Variants in CCN3 observed in about 807,000 individuals in gnomAD.
CCN3 encodes CCN family member 3.
A neutral mutation model predicts 33.4 loss-of-function variants in CCN3; 20 were observed. That is an observed-to-expected ratio of 0.60 (90% CI 0.42 to 0.87). The LOEUF is 0.87. CCN3 is among the 40% of genes least tolerant of loss of function. The pLI is 0.00. For missense variants in CCN3, 465 were observed against 455.3 expected (o/e 1.02, Z -0.19); for synonymous variants, 205 against 170.4 (o/e 1.20, Z -1.58).
In CCN3 at chr8:119,416,751, C is replaced by T; in HGVS notation, c.92C>T (p.Ala31Val). 1 of 1,585,332 alleles carries T rather than the reference C, an allele frequency of 6.3e-7. No homozygotes were observed. Among genetic ancestry groups the T allele is most frequent in the Non-Finnish European group, 8.6e-7 (1 of 1,165,390 alleles). Residue 31 changes from alanine (A) to valine (V), a missense_variant, in exon 2 of 5, where the codon GCG becomes GTG. By Grantham distance (64) the Ala-to-Val change is moderately conservative (BLOSUM62 0). Transcript: ENST00000259526. ...LLLHLLGQVA[A>V]TQRCPPQCPG... ...TGTCTCGCCTGCCTTCAGGTCGCTGCGACTCAGCGCTGCCCTCCCCAGTGC... is the reference window on the plus strand; with the variant it reads ...TGTCTCGCCTGCCTTCAGGTCGCTGTGACTCAGCGCTGCCCTCCCCAGTGC...
intron 1 of CCN3, 52 bp downstream of exon 1, chr8:119,416,668 G>C: frequency 6.3e-7 from 1 of 1,591,648 alleles, no homozygotes. Flanking sequence ...CGCCTTGGTG[G>C]CCCCCATTTG....
chr8:119,421,316 G>A (rs935150972), intron 4 of CCN3, among the ~76,000 whole-genome samples: 8 of 152,134 alleles, frequency 5.3e-5, no homozygotes, highest in African/African-American at 1.9e-4. Context: ...GCCGACAGTG[G>A]TTCTTAAAGG....
Position 119,423,190 on chromosome 8 carries a change from C to A in CCN3, c.*58C>A. 1.4e-6 allele frequency: 2 copies of A among 1,454,798 alleles called. No homozygotes were observed. Among genetic ancestry groups the A allele is most frequent in the Non-Finnish European group, 1.9e-6 (2 of 1,062,964 alleles). 90.1% of individuals were successfully genotyped at this position (1,454,798 alleles called of 1,614,324 possible). On this transcript the variant is annotated 3_prime_UTR_variant, in exon 5 of 5. Coordinates refer to ENST00000259526, the MANE Select transcript of CCN3 (RefSeq NM_002514.4). Reference sequence around the variant, plus strand: ...CTGTAGCTGCTGCGCCACCCACCATCAAAGGAATATAAGAAAAGTAATGAA... The same window carrying A: ...CTGTAGCTGCTGCGCCACCCACCATAAAAGGAATATAAGAAAAGTAATGAA...
In CCN3 at chr8:119,418,334, C is replaced by T. The variant is rs374398313; in HGVS notation, c.562+25C>T. 8 of 1,611,936 alleles carry T rather than the reference C, an allele frequency of 5.0e-6. No individual in the cohort carries two copies. In the African/African-American group the frequency reaches 9.4e-5, roughly 19 times the overall value. ...GGTGAGAAACTCAATATACCTAGGG[C>T]TGGTCATAGTAGAGGGTAAATACAA... On this transcript the variant is annotated intron_variant, in intron 3 of 4. Transcript: ENST00000259526.
In CCN3 at chr8:119,423,047, C is replaced by T; in HGVS notation, c.989C>T (p.Thr330Ile). ...AAGAAGCCAGTGATGGTCATTGGGA[C>T]CTGCACCTGTCACACCAACTGTCCT... ...IVKKPVMVIG[T>I]CTCHTNCPKN... The change falls in exon 5 of 5, where the codon ACC becomes ATC. Residue 330 changes from threonine to isoleucine, a missense_variant. Coordinates refer to ENST00000259526, the MANE Select transcript of CCN3 (RefSeq NM_002514.4). 1 of 1,614,154 alleles carries T rather than the reference C, an allele frequency of 6.2e-7. No homozygotes were observed. Among genetic ancestry groups the T allele is most frequent in the African/African-American group, 1.3e-5 (1 of 75,036 alleles).
At chr8:119,419,099 A>C (rs111700932) in intron 3 of CCN3, 32 bp from the exon 4 acceptor site, 1 of 1,557,850 alleles carries the variant, frequency 6.4e-7, no homozygotes, top group Admixed American at 1.7e-5. Context: ...CATTGTACCT[A>C]ATATGGCTGT....
rs1820092812 is a variant in CCN3 at position 119,419,233 on chromosome 8, T to C, written c.665T>C (p.Met222Thr). Residue 222 changes from methionine to threonine, a missense_variant, in exon 4 of 5, where the codon ATG becomes ACG. By Grantham distance (81) the Met-to-Thr change is moderately conservative. Coordinates refer to ENST00000259526, the MANE Select transcript of CCN3 (RefSeq NM_002514.4). ...ACAGCATGCTCCAAGAGCTGTGGTA[T>C]GGGGTTCTCCACCCGGGTCACCAAT... ...EWTACSKSCG[M>T]GFSTRVTNRN... 6.2e-7 allele frequency: 1 copy of C among 1,614,124 alleles called. No individual in the cohort carries two copies. Among genetic ancestry groups the C allele is most frequent in the Non-Finnish European group, 8.5e-7 (1 of 1,180,054 alleles).
chr8:119,422,796 T>C (rs771062260), intron 4 of CCN3, 40 bp from the exon 5 acceptor site: 23 of 1,517,100 alleles, frequency 1.5e-5, no homozygotes, highest in Non-Finnish European at 1.9e-5. Context: ...CTCAGGGGAA[T>C]GGTAGCCATT....
At position 119,416,516 on chromosome 8, in the gene CCN3, G is replaced by T. The variant is rs369790963; in HGVS notation, c.-17G>T. On this transcript the variant is annotated 5_prime_UTR_variant, in exon 1 of 5. Transcript: ENST00000259526. Reference sequence around the variant, plus strand: ...AGAAAGTCTCGTTTGGTAAAAGCGAGAGGGGAAAGCCTGAGCATGCAGAGT... The same window carrying T: ...AGAAAGTCTCGTTTGGTAAAAGCGATAGGGGAAAGCCTGAGCATGCAGAGT... 8 of 1,612,786 alleles carry T rather than the reference G, an allele frequency of 5.0e-6. No individual in the cohort carries two copies. In the African/African-American group the frequency reaches 1.1e-4, roughly 22 times the overall value.
rs780075975 is a variant in CCN3, at chr8:119,422,987, AG to A, written c.931del (p.Ala311GlnfsTer10). 7 of 1,614,042 alleles carry A rather than the reference AG, an allele frequency of 4.3e-6. No homozygotes were observed. The African/African-American group carries it at 9.3e-5, about 22-fold the overall frequency. ...ACTCCCCACAATACCAAAACCATCC[AG>A]GCAGAGTTTCAGTGCTCCCCAGGGC... ...CCTPHNTKTI[Q>X]AEFQCSPGQI... On this transcript the variant is annotated frameshift_variant, in exon 5 of 5. Transcript: ENST00000259526. LOFTEE classifies it high-confidence loss of function.
intron 4 of CCN3, among the ~76,000 whole-genome samples, chr8:119,419,663 C>T (rs1820098041): frequency 6.6e-6 from 1 of 152,252 alleles, no homozygotes; most frequent in Non-Finnish European, 1.5e-5. Context: ...CTACAGTTGT[C>T]AAGCACAGCT....
intron 1 of CCN3, 58 bp from the exon 2 acceptor site, chr8:119,416,686 G>A (rs1023335199): frequency 2.5e-6 from 4 of 1,581,454 alleles, no homozygotes; most frequent in Non-Finnish European, 3.4e-6. Flanking sequence ...TTGGTCACCG[G>A]GCTCACTGCG....
Position 119,416,724 on chromosome 8 carries a change from C to A in CCN3, c.85-20C>A. On this transcript the variant is annotated intron_variant, in intron 1 of 4. Coordinates refer to ENST00000259526, the MANE Select transcript of CCN3 (RefSeq NM_002514.4). ...TTCTGTCCCAGCTGAGTGGTTTCTCCTTGTCTCGCCTGCCTTCAGGTCGCT... is the reference window on the plus strand; with the variant it reads ...TTCTGTCCCAGCTGAGTGGTTTCTCATTGTCTCGCCTGCCTTCAGGTCGCT... 6.3e-7 allele frequency: 1 copy of A among 1,578,198 alleles called. No homozygotes were observed. The highest frequency in any genetic ancestry group is 2.3e-5 in the East Asian group (1 of 43,456).
In CCN3 at chr8:119,418,156, C is replaced by A. The variant is rs776170250; in HGVS notation, c.409C>A (p.Gln137Lys). The A allele has an allele frequency of 6.2e-7, 1 of 1,614,224 alleles. No homozygotes were observed. Among genetic ancestry groups the A allele is most frequent in the South Asian group, 1.1e-5 (1 of 91,086 alleles). The change falls in exon 3 of 5, where the codon CAG (glutamine) becomes AAG (lysine). Residue 137 changes from glutamine (Q) to lysine (K), a missense_variant. Gln to Lys is a moderately conservative substitution (Grantham distance 53). Transcript: ENST00000259526. Reference sequence around the variant, plus strand: ...ATTCCAGTGCACCTGCAGAGATGGGCAGATTGGCTGTGTGCCCCGCTGTCA... The same window carrying A: ...ATTCCAGTGCACCTGCAGAGATGGGAAGATTGGCTGTGTGCCCCGCTGTCA... ...CKFQCTCRDG[Q>K]IGCVPRCQLD...
intron 2 of CCN3, chr8:119,417,176 C>G (rs535264841): frequency 3.6e-4 from 199 of 551,918 alleles, no homozygotes; most frequent in African/African-American, 3.5e-3. Context: ...AGAAAGGAAA[C>G]CTGCCCTGGG....
In CCN3 at chr8:119,419,122, A is replaced by G. The variant is rs779100805; in HGVS notation, c.563-9A>G. On this transcript the variant is annotated splice_polypyrimidine_tract_variant and intron_variant, in intron 3 of 4. Transcript: ENST00000259526. ...CTAATATGGCTGTCTTTATTTATAC[A>G]TCCCATAGCTTACAGGCCAGAAGCC... The G allele has an allele frequency of 6.2e-6, 10 of 1,609,376 alleles. No homozygotes were observed. In the East Asian group the frequency reaches 2.2e-4, roughly 36 times the overall value.
chr8:119,421,503 A>G (rs1256433235), intron 4 of CCN3, among the ~76,000 whole-genome samples: 2 of 152,220 alleles, frequency 1.3e-5, no homozygotes, highest in Non-Finnish European at 2.9e-5. Flanking sequence ...CTGATTTAAG[A>G]TAATTCCAAG....
At chr8:119,421,694 T>C (rs532449127) in intron 4 of CCN3, among the ~76,000 whole-genome samples, 27 of 152,356 alleles carry the variant, frequency 1.8e-4, no homozygotes, top group African/African-American at 6.5e-4. Context: ...TTCTCCACTT[T>C]ATTTGCCTCC....
At position 119,423,927 on chromosome 8, in the gene CCN3, C is replaced by T. The variant is rs1388542870; in HGVS notation, c.*795C>T. Reference sequence around the variant, plus strand: ...TAATTAAGCAGAAACAGCATATTAGCAGGGATTCTCTCATCTAACTGATGA... The same window carrying T: ...TAATTAAGCAGAAACAGCATATTAGTAGGGATTCTCTCATCTAACTGATGA... On this transcript the variant is annotated 3_prime_UTR_variant, in exon 5 of 5. Coordinates refer to ENST00000259526, the MANE Select transcript of CCN3 (RefSeq NM_002514.4). 1 of 152,146 alleles carries T rather than the reference C, an allele frequency of 6.6e-6. No homozygotes were observed. The highest frequency in any genetic ancestry group is 1.5e-5 in the Non-Finnish European group (1 of 68,028). 9.4% of individuals were successfully genotyped at this position (152,146 alleles called of 1,614,324 possible). A position where few individuals can be genotyped will look rare whatever the true frequency, so the allele number is the denominator to read the frequency against.
Sources: allele counts gnomAD v4.1 joint callset (sites outside exome capture counted in the v4.1 genomes callset), GRCh38; gene constraint gnomAD v4.1.1; transcripts MANE v1.5; gene names NCBI Gene and HGNC (gene_info 2026-07-23, HGNC 2026-07-21).